The following AGBL4 variants were observed in gnomAD, a reference collection of about 807,000 sequenced individuals.
The protein encoded by AGBL4 is AGBL carboxypeptidase 4.
A neutral mutation model predicts 66.4 loss-of-function variants in AGBL4; 58 were observed. That is an observed-to-expected ratio of 0.87 (90% CI 0.71 to 1.09). The LOEUF (loss-of-function observed/expected upper bound fraction) is 1.09, where lower values mean the gene tolerates loss of function less well. AGBL4 is among the 50% of genes least tolerant of loss of function. The pLI, the probability that AGBL4 is intolerant of heterozygous loss-of-function variation, is 0.00. For missense variants in AGBL4, 579 were observed against 631.0 expected (o/e 0.92, Z 0.88); for synonymous variants, 234 against 222.9 (o/e 1.05, Z -0.44).
rs538832872 is a variant in AGBL4 at position 49,074,677 on chromosome 1, C to T, written c.378-28877G>A. 2.6e-5 allele frequency among the ~76,000 whole-genome samples: 4 copies of T among 152,214 alleles called. No individual in the cohort carries two copies. The East Asian group carries it at 7.7e-4, about 29-fold the overall frequency. On this transcript the variant is annotated intron_variant, in intron 4 of 13. Coordinates refer to ENST00000371839, the MANE Select transcript of AGBL4 (RefSeq NM_032785.4). The stretch of plus-strand genomic sequence containing the variant: ...AGAGGGGAGTTCAGTAATACATTAA[C>T]TTCATATTACTCCTAAAAAAATAAC...
In AGBL4 at chr1:49,555,276, T is replaced by C. The variant is rs183110117; in HGVS notation, c.282+142037A>G. 8.7e-5 allele frequency among the ~76,000 whole-genome samples: 13 copies of C among 149,416 alleles called. No homozygotes were observed. The East Asian group carries it at 2.7e-3, about 31-fold the overall frequency. On this transcript the variant is annotated intron_variant, in intron 3 of 13. Transcript: ENST00000371839. ...ACAATCCTTTAGCTAGACACAAAAGTTCTCCAAGTCCCCACTAGATTAGCT... is the reference window on the plus strand; with the variant it reads ...ACAATCCTTTAGCTAGACACAAAAGCTCTCCAAGTCCCCACTAGATTAGCT...
rs372527953 is a variant in AGBL4, at chr1:49,620,867, T to G, written c.282+76446A>C. ...CTTTTATGTAACCAAATCAACCTTT[T>G]TTTTTTCAAAATTACTTGATTAAGT... On this transcript the variant is annotated intron_variant, in intron 3 of 13. Transcript: ENST00000371839. 3.3e-4 allele frequency among the ~76,000 whole-genome samples: 50 copies of G among 152,304 alleles called. 1 individual carries two copies. In the South Asian group the frequency reaches 9.5e-3, roughly 29 times the overall value.
At chr1:49,621,878 G>A (rs1645367140) in intron 3 of AGBL4, among the ~76,000 whole-genome samples, 1 of 152,128 alleles carries the variant, frequency 6.6e-6, no homozygotes, top group Admixed American at 6.5e-5. Flanking sequence ...ACTGCCAAGA[G>A]GACAGAGATT....
rs1164638016 is a variant in AGBL4 at position 49,122,546 on chromosome 1, TTAAAA to T, written c.378-76751_378-76747del. Among the ~76,000 whole-genome samples the T allele has an allele frequency of 1.5e-4, 23 of 152,178 alleles. 1 individual carries two copies. Among genetic ancestry groups the T allele is most frequent in the Admixed American group, 1.5e-3 (23 of 15,268 alleles). ...AACAATTTAGGTTTGGTTGTGACTC[TTAAAA>T]TAATACTAATCAATTTATCAAATAC... On this transcript the variant is annotated intron_variant, in intron 4 of 13. Transcript: ENST00000371839.
intron 3 of AGBL4, among the ~76,000 whole-genome samples, chr1:49,246,172 A>G (rs1570198981): frequency 6.6e-6 from 1 of 152,040 alleles, no homozygotes; most frequent in East Asian, 1.9e-4. Flanking sequence ...GTGAATAATA[A>G]CAGTACCTAC....
At chr1:48,567,062 C>T (rs1455876565) in intron 11 of AGBL4, among the ~76,000 whole-genome samples, 1 of 152,190 alleles carries the variant, frequency 6.6e-6, no homozygotes, top group African/African-American at 2.4e-5. Context: ...CTGGAACACC[C>T]TGACTAATAC....
At chr1:49,588,033 A>G (rs1395551341) in intron 3 of AGBL4, among the ~76,000 whole-genome samples, 1 of 151,932 alleles carries the variant, frequency 6.6e-6, no homozygotes, top group Non-Finnish European at 1.5e-5. Context: ...CCCTTACTCT[A>G]TGCATCTTGG....
At chr1:48,912,478 G>A (rs140782628) in intron 5 of AGBL4, among the ~76,000 whole-genome samples, 1 of 152,170 alleles carries the variant, frequency 6.6e-6, no homozygotes, top group African/African-American at 2.4e-5. Context: ...CGTTGCCATT[G>A]GGTTATGTTG....
intron 2 of AGBL4, among the ~76,000 whole-genome samples, chr1:49,736,801 A>T (rs1649928678): frequency 1.3e-5 from 2 of 152,040 alleles, no homozygotes; most frequent in South Asian, 4.1e-4. Context: ...AATCTATAGG[A>T]ATCTTACATC....
chr1:49,896,608 AACACACACACACACAC>A (rs58132063), intron 1 of AGBL4, among the ~76,000 whole-genome samples: 1,686 of 133,794 alleles, frequency 0.013, 15 homozygotes, highest in Non-Finnish European at 0.019. Context: ...GACCCATGAA[AACACACACACACACAC>A]ACACACACAC....
chr1:48,750,259 T>G (rs1651478138), intron 6 of AGBL4, among the ~76,000 whole-genome samples: 1 of 152,166 alleles, frequency 6.6e-6, no homozygotes, highest in South Asian at 2.1e-4. Context: ...ATGAACCACC[T>G]GTAGGAGGGG....
chr1:49,563,382 G>C lies in AGBL4; in HGVS notation c.282+133931C>G, dbSNP rs553870522. 7.2e-5 allele frequency among the ~76,000 whole-genome samples: 11 copies of C among 152,200 alleles called. No individual in the cohort carries two copies. The South Asian group carries it at 2.3e-3, about 32-fold the overall frequency. On this transcript the variant is annotated intron_variant, in intron 3 of 13. Coordinates refer to ENST00000371839, the MANE Select transcript of AGBL4 (RefSeq NM_032785.4). Reference sequence around the variant, plus strand: ...TGGTGAGAGACGGCATCCCTGTCTTGTGCCAGTTTTCAAAGGGAATGCTTC... The same window carrying C: ...TGGTGAGAGACGGCATCCCTGTCTTCTGCCAGTTTTCAAAGGGAATGCTTC...
chr1:48,884,519 C>T (rs939537532), intron 5 of AGBL4, among the ~76,000 whole-genome samples: 1 of 152,004 alleles, frequency 6.6e-6, no homozygotes, highest in African/African-American at 2.4e-5. Context: ...TGAGTCAAAT[C>T]TTTTCTTCCC....
At chr1:48,769,570 C>CACACACACACACACACACACA (rs34256470) in intron 6 of AGBL4, among the ~76,000 whole-genome samples, 1 of 142,384 alleles carries the variant, frequency 7.0e-6, no homozygotes, top group African/African-American at 2.9e-5. Context: ...CACACACACA[C>CACACACACACACACACACACA]AAGTTAAATT....
chr1:49,042,003 G>T (rs1381555860), intron 5 of AGBL4, among the ~76,000 whole-genome samples: 1 of 151,962 alleles, frequency 6.6e-6, no homozygotes, highest in African/African-American at 2.4e-5. Context: ...CATTCTCCAT[G>T]ATGTTTATTT....
At chr1:49,660,236 G>A (rs1380534812) in intron 3 of AGBL4, among the ~76,000 whole-genome samples, 9 of 151,780 alleles carry the variant, frequency 5.9e-5, no homozygotes. Flanking sequence ...GAATCTACAA[G>A]GAACTCAAAC....
chr1:49,880,838 C>G (rs1412666528), intron 1 of AGBL4, among the ~76,000 whole-genome samples: 1 of 151,932 alleles, frequency 6.6e-6, no homozygotes, highest in East Asian at 1.9e-4. Context: ...GCCCTCCGAG[C>G]CAGGTGTGGG....
chr1:49,792,447 T>G (rs1644624750), intron 2 of AGBL4, among the ~76,000 whole-genome samples: 1 of 152,030 alleles, frequency 6.6e-6, no homozygotes, highest in African/African-American at 2.4e-5. Context: ...ATATAAACTT[T>G]GAAGTGTAGT....
intron 6 of AGBL4, among the ~76,000 whole-genome samples, chr1:48,724,945 C>T (rs148218240): frequency 4.3e-4 from 65 of 152,306 alleles, no homozygotes; most frequent in African/African-American, 1.5e-3. Context: ...ACACAACTCA[C>T]TGGCCTGGCA....
Sources: gnomAD v4.1 joint callset for allele counts (sites outside exome capture counted in the v4.1 genomes callset) on GRCh38, gnomAD v4.1.1 for gene constraint, MANE v1.5 for transcripts, NCBI Gene and HGNC (gene_info 2026-07-23, HGNC 2026-07-21) for gene names.